The following TMEM135 variants were observed in gnomAD, a reference collection of about 807,000 sequenced individuals.
TMEM135 encodes peroxisomal membrane protein 52.
TMEM135 carries 30 observed loss-of-function variants against 60.3 expected under a neutral mutation model. The ratio of observed to expected loss-of-function variants is 0.50; its 90% CI spans 0.37 to 0.68. The LOEUF (loss-of-function observed/expected upper bound fraction) is 0.68. TMEM135 is among the 30% of genes least tolerant of loss of function. The pLI is 0.00. For missense variants in TMEM135, 468 were observed against 548.8 expected, an observed-to-expected ratio of 0.85 and a Z score of 1.47; for synonymous variants, 190 against 186.7, an observed-to-expected ratio of 1.02 and a Z score of -0.14.
At chr11:87,094,824 A>G (rs574388903) in intron 4 of TMEM135, 1 of 175,990 alleles carries the variant, frequency 5.7e-6, no homozygotes, top group South Asian at 1.5e-4. Context: ...ACTGAATCCC[A>G]TTTGTGTAGC....
chr11:87,169,300 C>G (rs1029393851), intron 5 of TMEM135, among the ~76,000 whole-genome samples: 4 of 149,558 alleles, frequency 2.7e-5, no homozygotes, highest in Non-Finnish European at 5.9e-5. Context: ...AGCCCATTTA[C>G]ATTTAAGGTT....
At chr11:87,057,435 T>A (rs1949904222) in intron 1 of TMEM135, among the ~76,000 whole-genome samples, 2 of 152,318 alleles carry the variant, frequency 1.3e-5, no homozygotes, top group East Asian at 1.9e-4. Context: ...TTGTTTTTAA[T>A]AAGCTGATTC....
At chr11:87,148,285 A>G (rs1367614181) in intron 4 of TMEM135, among the ~76,000 whole-genome samples, 3 of 152,224 alleles carry the variant, frequency 2.0e-5, no homozygotes, top group Non-Finnish European at 2.9e-5. Context: ...AATGAAAAGC[A>G]ATCTCTTTAG....
At chr11:87,276,759 C>T (rs1438343286) in intron 6 of TMEM135, among the ~76,000 whole-genome samples, 1 of 147,128 alleles carries the variant, frequency 6.8e-6, no homozygotes, top group Non-Finnish European at 1.5e-5. Flanking sequence ...ACCTCTGCCT[C>T]CCGGGTTCCA....
In TMEM135 at chr11:87,276,468, C is replaced by T. The variant is rs565529140; in HGVS notation, c.510-19314C>T. Among the ~76,000 whole-genome samples the T allele has an allele frequency of 9.9e-5, 15 of 151,396 alleles. No homozygotes were observed. The South Asian group carries it at 2.7e-3, about 27-fold the overall frequency. ...TCTTACTTTAATCTTAGACTTTTAG[C>T]CAATTTTGTTACTCTAGTACATTAC... On this transcript the variant is annotated intron_variant, in intron 6 of 14. Coordinates refer to ENST00000305494, the MANE Select transcript of TMEM135 (RefSeq NM_022918.4).
chr11:87,089,430 C>T (rs530865668), intron 3 of TMEM135, among the ~76,000 whole-genome samples: 1 of 152,136 alleles, frequency 6.6e-6, no homozygotes, highest in South Asian at 2.1e-4. Context: ...GTAGTTTCAG[C>T]TATTTGGGAA....
At chr11:87,094,481 T>C (rs902920954) in intron 4 of TMEM135, among the ~76,000 whole-genome samples, 1 of 152,190 alleles carries the variant, frequency 6.6e-6, no homozygotes, top group Admixed American at 6.5e-5. Flanking sequence ...CATTACTTCT[T>C]CTCCCCTTTT....
rs1942673702 is a variant in TMEM135, at chr11:87,313,415, C to T, written c.937-10C>T. On this transcript the variant is annotated splice_polypyrimidine_tract_variant and intron_variant, in intron 10 of 14. Coordinates refer to ENST00000305494, the MANE Select transcript of TMEM135 (RefSeq NM_022918.4). ...AATAACTGAAGTCATTGTATTTTCT[C>T]CTTAACTAGGGTACTAGTTGCTTCC... The T allele has an allele frequency of 6.2e-7, 1 of 1,605,734 alleles. No homozygotes were observed. The highest frequency in any genetic ancestry group is 8.5e-7 in the Non-Finnish European group (1 of 1,173,450).
intron 3 of TMEM135, among the ~76,000 whole-genome samples, chr11:87,085,609 T>C (rs763309262): frequency 6.6e-5 from 10 of 151,884 alleles, no homozygotes; most frequent in Non-Finnish European, 1.3e-4. Context: ...TACAAAAAAT[T>C]AGCTGGGTGT....
At chr11:87,286,446 C>T (rs562991148) in intron 6 of TMEM135, among the ~76,000 whole-genome samples, 36 of 152,330 alleles carry the variant, frequency 2.4e-4, no homozygotes, top group Non-Finnish European at 4.3e-4. Flanking sequence ...CTCAGGAGCC[C>T]AGCTGGCTTC....
At chr11:87,208,495 C>T (rs532725570) in intron 5 of TMEM135, among the ~76,000 whole-genome samples, 32 of 151,618 alleles carry the variant, frequency 2.1e-4, no homozygotes, top group Admixed American at 9.9e-4. Flanking sequence ...CCTTTAAGCA[C>T]GCATGCAGAT....
chr11:87,309,255 G>T (rs1446811671), intron 9 of TMEM135, among the ~76,000 whole-genome samples: 1 of 152,114 alleles, frequency 6.6e-6, no homozygotes, highest in South Asian at 2.1e-4. Flanking sequence ...GGCAAGCTTG[G>T]CCAGTGCTTG....
intron 13 of TMEM135, 100 bp downstream of exon 13, chr11:87,318,335 C>A: frequency 3.4e-6 from 3 of 888,810 alleles, no homozygotes; most frequent in African/African-American, 1.7e-5. Context: ...TTTCTATTTA[C>A]AGTATTACAT....
intron 8 of TMEM135, among the ~76,000 whole-genome samples, 160 bp from the exon 9 acceptor site, chr11:87,305,776 A>AAAATAAAT (rs71470736): frequency 0.12 from 17,743 of 143,908 alleles, 1,224 homozygotes; most frequent in South Asian, 0.19. Flanking sequence ...ACTTTATCTC[A>AAAATAAAT]AAATAAATAA....
chr11:87,129,837 G>A (rs1054030898), intron 4 of TMEM135, among the ~76,000 whole-genome samples: 4 of 151,994 alleles, frequency 2.6e-5, no homozygotes, highest in African/African-American at 7.3e-5. Flanking sequence ...CATTGCGCTC[G>A]GCTGTTATTT....
intron 5 of TMEM135, among the ~76,000 whole-genome samples, chr11:87,220,837 C>A (rs1940602926): frequency 6.6e-6 from 1 of 152,048 alleles, no homozygotes; most frequent in Non-Finnish European, 1.5e-5. Flanking sequence ...AAATCTATGT[C>A]CAATATGTCT....
intron 4 of TMEM135, among the ~76,000 whole-genome samples, chr11:87,139,759 T>A (rs943021200): frequency 4.6e-5 from 7 of 152,236 alleles, no homozygotes; most frequent in African/African-American, 1.7e-4. Flanking sequence ...GAGTGGTATC[T>A]TATTTTGGTT....
At chr11:87,278,163 C>T (rs1194239412) in intron 6 of TMEM135, among the ~76,000 whole-genome samples, 1 of 152,122 alleles carries the variant, frequency 6.6e-6, no homozygotes, top group African/African-American at 2.4e-5. Context: ...CTTTGCTAGC[C>T]TTTGCATCCT....
intron 6 of TMEM135, among the ~76,000 whole-genome samples, chr11:87,246,776 ACTT>A (rs1309582706): frequency 8.2e-6 from 1 of 121,840 alleles, no homozygotes; most frequent in Non-Finnish European, 1.8e-5. Flanking sequence ...AAAGTTTTCA[ACTT>A]CTTTGCCTTT....
Sources: gnomAD v4.1 joint callset for allele counts (sites outside exome capture counted in the v4.1 genomes callset) on GRCh38, gnomAD v4.1.1 for gene constraint, MANE v1.5 for transcripts, NCBI Gene and HGNC (gene_info 2026-07-23, HGNC 2026-07-21) for gene names.